Variants in AOAH observed in about 807,000 individuals in gnomAD.
The protein encoded by AOAH is acyloxyacyl hydrolase (neutrophil).
Under a neutral mutation model 92.2 loss-of-function variants are expected in AOAH, and 64 were observed. The ratio of observed to expected loss-of-function variants is 0.69; its 90% CI spans 0.57 to 0.86. The LOEUF (loss-of-function observed/expected upper bound fraction) is 0.86. Among genes scored for constraint, AOAH ranks in the 40% least tolerant of loss-of-function variants. AOAH has a pLI of 0.00. For synonymous variants in AOAH, 263 were observed against 254.5 expected (o/e 1.03, Z -0.32); for missense variants, 656 against 694.6 (o/e 0.94, Z 0.62).
At chr7:36,591,405 A>G (rs961093118) in intron 12 of AOAH, among the ~76,000 whole-genome samples, 7 of 152,240 alleles carry the variant, frequency 4.6e-5, no homozygotes, top group African/African-American at 1.7e-4. Flanking sequence ...AAAAGGTACT[A>G]GGTCAATAAA....
At chr7:36,656,178 G>A (rs1207819135) in intron 4 of AOAH, among the ~76,000 whole-genome samples, 2 of 152,190 alleles carry the variant, frequency 1.3e-5, no homozygotes, top group African/African-American at 2.4e-5. Flanking sequence ...TAGTGCAGGA[G>A]CTACATCAAA....
chr7:36,640,613 G>A (rs138629606), intron 4 of AOAH, among the ~76,000 whole-genome samples: 7 of 152,264 alleles, frequency 4.6e-5, no homozygotes, highest in East Asian at 3.9e-4. Flanking sequence ...TTGTCTCGGC[G>A]GCACTCACCA....
chr7:36,524,908 A>G (rs1020026738), intron 19 of AOAH, among the ~76,000 whole-genome samples: 6 of 152,174 alleles, frequency 3.9e-5, no homozygotes, highest in African/African-American at 1.4e-4. Flanking sequence ...AGTTCATGGT[A>G]TTTTATTACA....
intron 6 of AOAH, among the ~76,000 whole-genome samples, chr7:36,629,380 T>TAACA (rs746054528): frequency 1.3e-5 from 2 of 152,130 alleles, no homozygotes; most frequent in Non-Finnish European, 2.9e-5. Flanking sequence ...GGCCCACATC[T>TAACA]AACACAGAAA....
chr7:36,601,788 T>C (rs192328450), intron 11 of AOAH, among the ~76,000 whole-genome samples: 229 of 152,226 alleles, frequency 1.5e-3, no homozygotes, highest in Non-Finnish European at 2.8e-3. Context: ...GTGTGAGTCC[T>C]GGAAGGCTAG....
At chr7:36,546,321 A>G (rs1178484365) in intron 15 of AOAH, among the ~76,000 whole-genome samples, 1 of 152,266 alleles carries the variant, frequency 6.6e-6, no homozygotes. Flanking sequence ...TGAGCTTTTT[A>G]TAAAATCCAT....
intron 2 of AOAH, among the ~76,000 whole-genome samples, chr7:36,686,194 T>A (rs117066986): frequency 1.3e-5 from 2 of 152,292 alleles, no homozygotes; most frequent in African/African-American, 4.8e-5. Flanking sequence ...TATAAGGTAT[T>A]TTATTGAGAT....
At chr7:36,643,255 C>G (rs1246185557) in intron 4 of AOAH, among the ~76,000 whole-genome samples, 3 of 152,194 alleles carry the variant, frequency 2.0e-5, no homozygotes, top group East Asian at 3.9e-4. Flanking sequence ...TCTGCAAGCA[C>G]AGCTGAGATT....
At position 36,614,448 on chromosome 7, in the gene AOAH, GTGTT is replaced by G. The variant is rs3053535; in HGVS notation, c.846+1928_846+1931del. On this transcript the variant is annotated intron_variant, in intron 11 of 20. Coordinates refer to ENST00000617537, the MANE Select transcript of AOAH (RefSeq NM_001637.4). The surrounding 1 kb of genome is among the most constrained non-coding windows in gnomAD (Gnocchi z 4.2). ...TCTTAACAATCTTATTTTTGAATTTGTGTTTGTTATGTGAGTGAAGTCCAGTGGG... is the reference window on the plus strand; with the variant it reads ...TCTTAACAATCTTATTTTTGAATTTGTGTTATGTGAGTGAAGTCCAGTGGG... 0.41 allele frequency among the ~76,000 whole-genome samples: 62,583 copies of G among 151,600 alleles called. 13,116 individuals are homozygous for G. The highest frequency in any genetic ancestry group is 0.47 in the Non-Finnish European group (31,559 of 67,826).
intron 20 of AOAH, among the ~76,000 whole-genome samples, chr7:36,521,679 CT>C (rs780833627): frequency 3.1e-3 from 442 of 144,584 alleles, no homozygotes; most frequent in Middle Eastern, 3.6e-3. Context: ...TTCTTTCTTC[CT>C]TTTTTTTTTT....
At chr7:36,643,471 A>C (rs1346144197) in intron 4 of AOAH, among the ~76,000 whole-genome samples, 2 of 152,194 alleles carry the variant, frequency 1.3e-5, no homozygotes, top group African/African-American at 4.8e-5. Context: ...GACTGGCTCT[A>C]GGTGTCAAAA....
At chr7:36,692,011 G>A (rs953569988) in intron 1 of AOAH, among the ~76,000 whole-genome samples, 1 of 152,232 alleles carries the variant, frequency 6.6e-6, no homozygotes, top group African/African-American at 2.4e-5. Context: ...GCTGAGCGCA[G>A]CTGCAGGAGT....
At chr7:36,663,651 T>G (rs1177078466) in intron 3 of AOAH, among the ~76,000 whole-genome samples, 2 of 152,212 alleles carry the variant, frequency 1.3e-5, no homozygotes, top group Admixed American at 6.5e-5. Context: ...TGAGAGCTCA[T>G]TTCCTTTTAT....
intron 1 of AOAH, among the ~76,000 whole-genome samples, chr7:36,698,335 C>T (rs1797838493): frequency 6.6e-6 from 1 of 151,980 alleles, no homozygotes; most frequent in Admixed American, 6.6e-5. Flanking sequence ...TTTAAATGAT[C>T]TAGCTAAAGG....
At chr7:36,698,801 GT>G (rs2116872631) in intron 1 of AOAH, among the ~76,000 whole-genome samples, 1 of 152,128 alleles carries the variant, frequency 6.6e-6, no homozygotes, top group Non-Finnish European at 1.5e-5. Context: ...TCATTTATTT[GT>G]GCTAGAAACA....
chr7:36,538,421 A>G (rs965103333), intron 16 of AOAH, among the ~76,000 whole-genome samples: 11 of 152,222 alleles, frequency 7.2e-5, no homozygotes, highest in African/African-American at 2.4e-4. Context: ...TTATGAAACC[A>G]AACATGTCTC....
chr7:36,668,088 T>TGTTTTTTATTTGTTACC (rs1795658299), intron 3 of AOAH, among the ~76,000 whole-genome samples: 2 of 152,236 alleles, frequency 1.3e-5, no homozygotes, highest in Admixed American at 6.5e-5. Flanking sequence ...TATTTGTTAC[T>TGTTTTTTATTTGTTACC]GTTTTTTATT....
At chr7:36,666,544 A>G (rs1795547644) in intron 3 of AOAH, among the ~76,000 whole-genome samples, 1 of 151,800 alleles carries the variant, frequency 6.6e-6, no homozygotes, top group Admixed American at 6.6e-5. Context: ...TTAAATTTCT[A>G]TTGATTTCCT....
intron 4 of AOAH, among the ~76,000 whole-genome samples, chr7:36,639,464 A>C (rs1463564402): frequency 6.6e-6 from 1 of 152,194 alleles, no homozygotes; most frequent in Non-Finnish European, 1.5e-5. Flanking sequence ...ACAGTCCTTG[A>C]GGCATAGTAG....
Sources: allele counts gnomAD v4.1 joint callset (sites outside exome capture counted in the v4.1 genomes callset), GRCh38; gene constraint gnomAD v4.1.1; non-coding constraint Gnocchi (gnomAD v3.1); transcripts MANE v1.5; gene names NCBI Gene and HGNC (gene_info 2026-07-23, HGNC 2026-07-21).